Variants in PPP2R2C observed in about 807,000 individuals in gnomAD.
PPP2R2C encodes the protein protein phosphatase 2 regulatory subunit Bgamma.
Under a neutral mutation model 45.3 loss-of-function variants are expected in PPP2R2C, and 10 were observed. That is an observed-to-expected ratio of 0.22 (90% CI 0.14 to 0.37). The LOEUF is 0.37. PPP2R2C is among the 10% of genes least tolerant of loss of function. The pLI, the probability that PPP2R2C is intolerant of heterozygous loss-of-function variation, is 1.00. For synonymous variants in PPP2R2C, 257 were observed against 245.4 expected (o/e 1.05, Z -0.44); for missense variants, 308 against 619.7 (o/e 0.50, Z 5.34).
chr4:6,549,191 C>T (rs543344192), intron 1 of PPP2R2C, among the ~76,000 whole-genome samples: 153 of 152,306 alleles, frequency 1.0e-3, no homozygotes, highest in African/African-American at 3.5e-3. Flanking sequence ...CTTTGCCCCC[C>T]ACAAAGTCCA....
At chr4:6,473,230 T>C (rs1235264037), upstream of PPP2R2C, among the ~76,000 whole-genome samples, 1 of 151,744 alleles carries the variant, frequency 6.6e-6, no homozygotes, top group East Asian at 1.9e-4. Flanking sequence ...AGTGAGAAAG[T>C]TAAAGAAATA....
At chr4:6,525,384 G>T (rs974242479) in intron 2 of PPP2R2C, among the ~76,000 whole-genome samples, 1 of 151,788 alleles carries the variant, frequency 6.6e-6, no homozygotes, top group African/African-American at 2.4e-5. Flanking sequence ...CAGCCTGGGC[G>T]ACAGAGTGCG....
At chr4:6,376,700 C>T (rs1247537570) in intron 3 of PPP2R2C, among the ~76,000 whole-genome samples, 4 of 152,166 alleles carry the variant, frequency 2.6e-5, no homozygotes, top group Non-Finnish European at 4.4e-5. Flanking sequence ...GTAATCCATC[C>T]ATCTCAGCCT....
At chr4:6,393,826 C>T (rs181068341) in intron 1 of PPP2R2C, among the ~76,000 whole-genome samples, 32 of 152,316 alleles carry the variant, frequency 2.1e-4, no homozygotes, top group Admixed American at 1.2e-3. Flanking sequence ...CAGCAGGATC[C>T]GGTCAAGCTG....
At chr4:6,346,304 A>G (rs1711915437) in intron 6 of PPP2R2C, among the ~76,000 whole-genome samples, 1 of 151,980 alleles carries the variant, frequency 6.6e-6, no homozygotes, top group Non-Finnish European at 1.5e-5. Context: ...CCCTCCCTTG[A>G]CCTACAGGCA....
Position 6,472,212 on chromosome 4 carries a change from G to A in PPP2R2C, c.18C>T (p.Asp6=). 6.2e-7 allele frequency: 1 copy of A among 1,613,248 alleles called. No homozygotes were observed. The highest frequency in any genetic ancestry group is 8.5e-7 in the Non-Finnish European group (1 of 1,179,388). MGEDT[D]TRKINHSFLR... ...GGAAGCTGTGGTTAATTTTCCGCGT[G>A]TCCGTGTCCTCGCCCATTGAAGGCC... The change falls in exon 1 of 9, where the codon GAC becomes GAT. Residue 6 remains aspartate, a synonymous_variant. Coordinates refer to ENST00000382599, the MANE Select transcript of PPP2R2C (RefSeq NM_020416.4).
Position 6,323,564 on chromosome 4 carries a change from A to C in PPP2R2C, c.1082T>G (p.Phe361Cys). The C allele has an allele frequency of 6.3e-7, 1 of 1,575,846 alleles. No individual in the cohort carries two copies. Among genetic ancestry groups the C allele is most frequent in the African/African-American group, 1.3e-5 (1 of 74,396 alleles). Residue 361 changes from phenylalanine (F) to cysteine (C), a missense_variant, in exon 9 of 9, where the codon TTC becomes TGC. Physicochemically the swap from Phe to Cys is radical, Grantham distance 205. Transcript: ENST00000382599. The stretch of plus-strand genomic sequence containing the variant: ...GGTGTTCCGATCGAACATGCGGAAG[A>C]AGTTGTTGTAGGCCCCGGTCATGAT... ...SVIMTGAYNN[F>C]FRMFDRNTKR...
chr4:6,358,185 A>T (rs1476823972), intron 5 of PPP2R2C, among the ~76,000 whole-genome samples: 1 of 152,080 alleles, frequency 6.6e-6, no homozygotes, highest in African/African-American at 2.4e-5. Context: ...AACACCACAT[A>T]TCTACAACCA....
chr4:6,394,541 C>T (rs182431735), intron 1 of PPP2R2C, among the ~76,000 whole-genome samples: 10 of 152,332 alleles, frequency 6.6e-5, no homozygotes, highest in Admixed American at 5.9e-4. Context: ...TTATGTGAGT[C>T]AGAGAGACTC....
At chr4:6,504,369 T>G (rs925336923) in intron 2 of PPP2R2C, among the ~76,000 whole-genome samples, 1 of 151,992 alleles carries the variant, frequency 6.6e-6, no homozygotes, top group African/African-American at 2.4e-5. Flanking sequence ...AGTAACATAA[T>G]AGAACCCAGA....
chr4:6,543,908 T>G (rs1724889113), intron 1 of PPP2R2C, among the ~76,000 whole-genome samples: 1 of 152,212 alleles, frequency 6.6e-6, no homozygotes, highest in Non-Finnish European at 1.5e-5. Context: ...GTAACACCCA[T>G]GAGGAATCTC....
intron 1 of PPP2R2C, among the ~76,000 whole-genome samples, chr4:6,545,260 T>C (rs79544718): frequency 2.3e-3 from 351 of 152,334 alleles, no homozygotes; most frequent in Middle Eastern, 0.017. Flanking sequence ...ACTGCCTAAG[T>C]AAACAACAAA....
intron 1 of PPP2R2C, chr4:6,381,457 C>T (rs904600002): frequency 4.4e-6 from 6 of 1,371,716 alleles, no homozygotes; most frequent in Non-Finnish European, 5.7e-6. Context: ...CCACACCTAC[C>T]CCTGCCACCC....
intron 2 of PPP2R2C, among the ~76,000 whole-genome samples, chr4:6,516,752 G>A (rs1015564675): frequency 6.6e-6 from 1 of 152,212 alleles, no homozygotes; most frequent in Admixed American, 6.5e-5. Context: ...TCTGACAAGA[G>A]AGTGATCATA....
Position 6,534,299 on chromosome 4 carries a change from A to G in PPP2R2C, c.49+972T>C, listed in dbSNP as rs542490117. Among the ~76,000 whole-genome samples, 6 of 151,108 alleles carry G rather than the reference A, an allele frequency of 4.0e-5. 1 individual carries two copies. The East Asian group carries it at 1.2e-3, about 29-fold the overall frequency. Reference sequence around the variant, plus strand: ...GACACACACATATCCCAACACACACACCCCAACACATACACACATCAAAAA... The same window carrying G: ...GACACACACATATCCCAACACACACGCCCCAACACATACACACATCAAAAA... On this transcript the variant is annotated intron_variant, in intron 2 of 9. Transcript: ENST00000506140.
At chr4:6,347,735 G>A (rs1712126986) in intron 6 of PPP2R2C, 111 bp downstream of exon 6, 2 of 1,386,004 alleles carry the variant, frequency 1.4e-6, no homozygotes, top group East Asian at 2.5e-5. Flanking sequence ...GCCAGTCCAG[G>A]ACATGCTCAT....
At chr4:6,389,477 C>T (rs1035124455) in intron 1 of PPP2R2C, among the ~76,000 whole-genome samples, 4 of 152,144 alleles carry the variant, frequency 2.6e-5, no homozygotes, top group Non-Finnish European at 5.9e-5. Context: ...TGGAGGTGGG[C>T]GAGGAAGGAG....
chr4:6,549,649 C>G (rs924716453), intron 1 of PPP2R2C, among the ~76,000 whole-genome samples: 4 of 152,230 alleles, frequency 2.6e-5, no homozygotes, highest in Non-Finnish European at 4.4e-5. Flanking sequence ...TCTGATGACA[C>G]CTGCTGGCTG....
chr4:6,561,101 G>A (rs1437643076), intron 1 of PPP2R2C, among the ~76,000 whole-genome samples: 1 of 152,198 alleles, frequency 6.6e-6, no homozygotes, highest in Non-Finnish European at 1.5e-5. Flanking sequence ...AGTTCAGCAG[G>A]AACATCAGGT....
Sources: gnomAD v4.1 joint callset for allele counts (sites outside exome capture counted in the v4.1 genomes callset) on GRCh38, gnomAD v4.1.1 for gene constraint, MANE v1.5 for transcripts, NCBI Gene and HGNC (gene_info 2026-07-23, HGNC 2026-07-21) for gene names.